OPCML: variants seen among roughly 807,000 people sequenced by gnomAD.
The protein encoded by OPCML is opioid binding protein/cell adhesion molecule like.
A neutral mutation model predicts 37.8 loss-of-function variants in OPCML; 13 were observed. The ratio of observed to expected loss-of-function variants is 0.34; its 90% CI spans 0.22 to 0.55. OPCML has a LOEUF of 0.55. Among genes scored for constraint, OPCML ranks in the 20% least tolerant of loss-of-function variants. OPCML has a pLI of 0.91. For synonymous variants in OPCML, 176 were observed against 168.8 expected, an observed-to-expected ratio of 1.04 and a Z score of -0.33; for missense variants, 341 against 435.6, an observed-to-expected ratio of 0.78 and a Z score of 1.93.
chr11:133,312,848 C>T (rs1463494376), intron 1 of OPCML, among the ~76,000 whole-genome samples: 1 of 152,152 alleles, frequency 6.6e-6, no homozygotes, highest in Non-Finnish European at 1.5e-5. Flanking sequence ...CCTCAGTTTT[C>T]TTATCCTCAA....
intron 1 of OPCML, among the ~76,000 whole-genome samples, chr11:132,980,932 T>A (rs1946568317): frequency 6.6e-6 from 1 of 152,256 alleles, no homozygotes; most frequent in African/African-American, 2.4e-5. Context: ...GGCAATCCTG[T>A]CATTGTGCAA....
intron 1 of OPCML, among the ~76,000 whole-genome samples, chr11:133,190,594 C>A (rs899806201): frequency 7.2e-5 from 11 of 152,168 alleles, no homozygotes; most frequent in Admixed American, 5.2e-4. Flanking sequence ...TTCATCACCC[C>A]AGAAAAGAAA....
At chr11:132,556,652 AC>A (rs1389585939) in intron 3 of OPCML, among the ~76,000 whole-genome samples, 2 of 152,114 alleles carry the variant, frequency 1.3e-5, no homozygotes, top group African/African-American at 4.8e-5. Context: ...TTCACAGCAT[AC>A]GTTTCCCACT....
chr11:132,684,938 T>C lies in OPCML; in HGVS notation c.147-27619A>G, dbSNP rs117954958. On this transcript the variant is annotated intron_variant, in intron 2 of 7. Transcript: ENST00000524381. Reference sequence around the variant, plus strand: ...GGTACAGCTATTAGATATTTAAAAGTCAGCATCTCTTCTGTACCCACTAAA... The same window carrying C: ...GGTACAGCTATTAGATATTTAAAAGCCAGCATCTCTTCTGTACCCACTAAA... 2.4e-4 allele frequency among the ~76,000 whole-genome samples: 36 copies of C among 152,356 alleles called. No individual in the cohort carries two copies. The East Asian group carries it at 6.9e-3, about 29-fold the overall frequency.
chr11:132,813,038 AAATAAAACTC>A (rs1196456441), intron 2 of OPCML, among the ~76,000 whole-genome samples: 4 of 152,228 alleles, frequency 2.6e-5, no homozygotes, highest in African/African-American at 7.2e-5. Flanking sequence ...AGTTAATTTA[AAATAAAACTC>A]AATAAAAATC....
At chr11:133,010,552 GT>G (rs990674597) in intron 1 of OPCML, among the ~76,000 whole-genome samples, 1 of 152,112 alleles carries the variant, frequency 6.6e-6, no homozygotes, top group Admixed American at 6.5e-5. Context: ...GTGACCAAAA[GT>G]TTTTGATTAA....
chr11:132,596,458 G>A (rs1261495115), intron 3 of OPCML, among the ~76,000 whole-genome samples: 8 of 151,468 alleles, frequency 5.3e-5, no homozygotes, highest in Non-Finnish European at 7.4e-5. Context: ...TAATTTTTTT[G>A]TTGGGGCCAG....
At chr11:132,660,057 C>T (rs545777305) in intron 2 of OPCML, among the ~76,000 whole-genome samples, 26 of 152,132 alleles carry the variant, frequency 1.7e-4, no homozygotes, top group African/African-American at 5.1e-4. Context: ...ATTGATAGAA[C>T]ATAAATATAG....
chr11:132,721,753 C>T (rs4315083), intron 2 of OPCML, among the ~76,000 whole-genome samples: 12,374 of 151,730 alleles, frequency 0.082, 1,040 homozygotes, highest in African/African-American at 0.22. Flanking sequence ...CTGCTGTTGA[C>T]GAAGACTGAA....
chr11:133,480,651 T>G (rs940941422), intron 1 of OPCML, among the ~76,000 whole-genome samples: 9 of 152,272 alleles, frequency 5.9e-5, no homozygotes, highest in Non-Finnish European at 7.3e-5. Context: ...AAACTCTTTC[T>G]GACCCCTTTT....
chr11:132,561,504 C>T (rs1046460175), intron 3 of OPCML, among the ~76,000 whole-genome samples: 4 of 152,174 alleles, frequency 2.6e-5, no homozygotes, highest in Non-Finnish European at 2.9e-5. Flanking sequence ...GGCTCCTTGA[C>T]GGTGTGGTCT....
At position 133,137,013 on chromosome 11, in the gene OPCML, G is replaced by A. The variant is rs147796121; in HGVS notation, c.62-194003C>T. On this transcript the variant is annotated intron_variant, in intron 1 of 7. Transcript: ENST00000524381. ...ATGGTTATGACGGATGCCCTCAAAA[G>A]AATTTGCATATTTGCAGGAAGAAAA... Among the ~76,000 whole-genome samples, 842 of 152,146 alleles carry A rather than the reference G, an allele frequency of 5.5e-3. 7 individuals are homozygous for A. Among genetic ancestry groups the A allele is most frequent in the African/African-American group, 0.019 (795 of 41,498 alleles).
At chr11:132,942,847 G>A in intron 2 of OPCML, 79 bp downstream of exon 2, 1 of 1,571,244 alleles carries the variant, frequency 6.4e-7, no homozygotes, top group Middle Eastern at 1.7e-4. Flanking sequence ...CCCCCATGGA[G>A]CCTTCTGCCC....
chr11:133,292,889 G>A (rs749831942), intron 1 of OPCML, among the ~76,000 whole-genome samples: 10 of 152,116 alleles, frequency 6.6e-5, no homozygotes, highest in Non-Finnish European at 1.3e-4. Flanking sequence ...TCATGCATGG[G>A]GATGCTCTGC....
At chr11:133,522,447 G>C (rs1271412734) in intron 1 of OPCML, among the ~76,000 whole-genome samples, 3 of 152,196 alleles carry the variant, frequency 2.0e-5, no homozygotes, top group African/African-American at 7.2e-5. Flanking sequence ...GTCATTCGAA[G>C]TATGCAAATG....
chr11:132,563,020 CT>C (rs1470921147), intron 3 of OPCML, among the ~76,000 whole-genome samples: 1 of 152,162 alleles, frequency 6.6e-6, no homozygotes, highest in African/African-American at 2.4e-5. Context: ...CACTTTGCTG[CT>C]TTTCAGTAGT....
chr11:132,982,547 C>G (rs542094744), intron 1 of OPCML, among the ~76,000 whole-genome samples: 1 of 150,986 alleles, frequency 6.6e-6, no homozygotes. Context: ...GCTACACTAG[C>G]TTAAGAGACA....
intron 1 of OPCML, among the ~76,000 whole-genome samples, chr11:133,454,184 T>C (rs1946631687): frequency 6.6e-6 from 1 of 152,218 alleles, no homozygotes; most frequent in Non-Finnish European, 1.5e-5. Context: ...CATTTTTGTT[T>C]TGAACCAAAT....
chr11:132,571,125 CCCAT>C (rs2096437446), intron 3 of OPCML, among the ~76,000 whole-genome samples: 1 of 151,994 alleles, frequency 6.6e-6, no homozygotes, highest in East Asian at 2.0e-4. Context: ...TCATCGTTCT[CCCAT>C]GCTGGATGCT....
Sources: gnomAD v4.1 joint callset for allele counts (sites outside exome capture counted in the v4.1 genomes callset) on GRCh38, gnomAD v4.1.1 for gene constraint, MANE v1.5 for transcripts, NCBI Gene and HGNC (gene_info 2026-07-23, HGNC 2026-07-21) for gene names.